Variants in CELF4 observed in about 807,000 individuals in gnomAD.
CELF4 encodes CUG-BP- and ETR-3-like factor 4.
In CELF4, 18 loss-of-function variants were observed where a neutral mutation model predicts 59.9. That is an observed-to-expected ratio of 0.30 (90% CI 0.21 to 0.45). The LOEUF (loss-of-function observed/expected upper bound fraction) is 0.45, where lower values mean the gene tolerates loss of function less well. Among genes scored for constraint, CELF4 ranks in the 20% least tolerant of loss-of-function variants. The pLI, the probability that CELF4 is intolerant of heterozygous loss-of-function variation, is 1.00. For synonymous variants in CELF4, 261 were observed against 267.1 expected, an observed-to-expected ratio of 0.98 and a Z score of 0.22; for missense variants, 456 against 689.0, an observed-to-expected ratio of 0.66 and a Z score of 3.79.
chr18:37,396,510 A>T (rs776502715), intron 2 of CELF4, among the ~76,000 whole-genome samples: 3 of 152,196 alleles, frequency 2.0e-5, no homozygotes, highest in South Asian at 2.1e-4. Context: ...TGAGTCAGGG[A>T]TAAAAGCTGA....
At position 37,320,581 on chromosome 18, in the gene CELF4, C is replaced by G. The variant is rs190306852; in HGVS notation, c.448+1222G>C. Among the ~76,000 whole-genome samples the G allele has an allele frequency of 2.5e-3, 382 of 152,254 alleles. 3 individuals are homozygous for G. Among genetic ancestry groups the G allele is most frequent in the African/African-American group, 8.0e-3 (332 of 41,554 alleles). On this transcript the variant is annotated intron_variant, in intron 3 of 12. Transcript: ENST00000420428. ...GGCTGTGCCTCTGTGGGAACTTGGG[C>G]TGGGGGCCCTAGATGGTGGAGAGGA...
At chr18:37,506,044 C>T (rs1008767050) in intron 1 of CELF4, among the ~76,000 whole-genome samples, 50 of 152,246 alleles carry the variant, frequency 3.3e-4, no homozygotes, top group African/African-American at 1.1e-3. Context: ...AAGCCTCAGC[C>T]CTGGTTTGTT....
At chr18:37,363,473 C>T (rs1007466886) in intron 2 of CELF4, among the ~76,000 whole-genome samples, 15 of 152,288 alleles carry the variant, frequency 9.8e-5, no homozygotes, top group Admixed American at 7.2e-4. Flanking sequence ...AATTCTAACT[C>T]TATTGATGCT....
At chr18:37,379,671 C>A (rs2099014135) in intron 2 of CELF4, among the ~76,000 whole-genome samples, 1 of 152,044 alleles carries the variant, frequency 6.6e-6, no homozygotes, top group Admixed American at 6.5e-5. Context: ...AACTGGGCTC[C>A]CTCTGCTTCC....
intron 6 of CELF4, chr18:37,273,386 G>A: frequency 2.3e-6 from 3 of 1,296,708 alleles, no homozygotes; most frequent in Non-Finnish European, 2.9e-6. Context: ...TAATGCTAGG[G>A]TCTTTGGAAC....
At chr18:37,303,323 T>C (rs2096193631) in intron 3 of CELF4, among the ~76,000 whole-genome samples, 1 of 152,216 alleles carries the variant, frequency 6.6e-6, no homozygotes, top group African/African-American at 2.4e-5. Flanking sequence ...TTTGAAATCC[T>C]GGCAGAGGTC....
At chr18:37,317,430 ACACT>A (rs1319598698) in intron 3 of CELF4, among the ~76,000 whole-genome samples, 18 of 152,298 alleles carry the variant, frequency 1.2e-4, no homozygotes, top group East Asian at 9.6e-4. Flanking sequence ...AAAATCCCTA[ACACT>A]CAGTCAGTGT....
chr18:37,414,498 C>CTT (rs2099510064), intron 2 of CELF4, among the ~76,000 whole-genome samples: 1 of 66,046 alleles, frequency 1.5e-5, no homozygotes, highest in African/African-American at 4.5e-5. Flanking sequence ...TTTTTCTTTT[C>CTT]TTTTCTTTTT....
chr18:37,415,444 G>T (rs2099519647), intron 2 of CELF4, among the ~76,000 whole-genome samples: 2 of 152,218 alleles, frequency 1.3e-5, no homozygotes, highest in African/African-American at 4.8e-5. Context: ...AGCCCAGGAT[G>T]GTTGAGTACT....
Position 37,352,129 on chromosome 18 carries a change from T to C in CELF4, c.370-30248A>G, listed in dbSNP as rs547039889. Among the ~76,000 whole-genome samples, 4 of 152,344 alleles carry C rather than the reference T, an allele frequency of 2.6e-5. No homozygotes were observed. The South Asian group carries it at 8.3e-4, about 32-fold the overall frequency. ...CTCCCTTCCATCTTAAACATCTTGTTATTCTGAAAACTGGGAATTTTTATC... is the reference window on the plus strand; with the variant it reads ...CTCCCTTCCATCTTAAACATCTTGTCATTCTGAAAACTGGGAATTTTTATC... On this transcript the variant is annotated intron_variant, in intron 2 of 12. Transcript: ENST00000420428.
intron 2 of CELF4, among the ~76,000 whole-genome samples, chr18:37,349,585 A>G (rs1319990594): frequency 2.0e-5 from 3 of 152,188 alleles, no homozygotes; most frequent in African/African-American, 7.2e-5. Flanking sequence ...TGCATGAAGG[A>G]CAGGCAGCCC....
At chr18:37,312,754 C>G (rs1467424839) in intron 3 of CELF4, among the ~76,000 whole-genome samples, 2 of 152,120 alleles carry the variant, frequency 1.3e-5, no homozygotes, top group African/African-American at 4.8e-5. Flanking sequence ...CTCCTGCCCA[C>G]CCCCCAGGCC....
intron 3 of CELF4, among the ~76,000 whole-genome samples, chr18:37,287,796 T>A (rs2094945411): frequency 1.3e-5 from 2 of 152,268 alleles, no homozygotes; most frequent in South Asian, 2.1e-4. Context: ...GTAGACATGA[T>A]TAATAGATGC....
intron 2 of CELF4, among the ~76,000 whole-genome samples, chr18:37,376,106 G>A (rs970666498): frequency 1.3e-5 from 2 of 152,110 alleles, no homozygotes; most frequent in African/African-American, 2.4e-5. Context: ...TTAATGAGGA[G>A]GGCACTGGAA....
Position 37,253,757 on chromosome 18 carries a change from C to A in CELF4, c.*44+10G>T. 6.4e-7 allele frequency: 1 copy of A among 1,554,752 alleles called. No individual in the cohort carries two copies. The highest frequency in any genetic ancestry group is 8.7e-7 in the Non-Finnish European group (1 of 1,147,170). The stretch of plus-strand genomic sequence containing the variant: ...ACCCCCGTCCCCGCGCCCCGGCCGC[C>A]CCCGGTTACCTGTGCGAGTCCTGGT... On this transcript the variant is annotated intron_variant, in intron 12 of 12. Transcript: ENST00000420428. The surrounding 1 kb of genome is among the most constrained non-coding windows in gnomAD (Gnocchi z 4.5).
At chr18:37,263,142 C>T (rs568796997) in intron 10 of CELF4, among the ~76,000 whole-genome samples, 45 of 152,230 alleles carry the variant, frequency 3.0e-4, no homozygotes, top group African/African-American at 8.7e-4. Context: ...CTCCAGAGAA[C>T]GCTCCCCACT....
chr18:37,366,503 A>T (rs1042502099), intron 2 of CELF4, among the ~76,000 whole-genome samples: 9 of 152,146 alleles, frequency 5.9e-5, no homozygotes, highest in African/African-American at 2.2e-4. Context: ...CAGGGGCTGC[A>T]GTGTGCCCGA....
chr18:37,441,595 G>A (rs1328923967), intron 2 of CELF4, among the ~76,000 whole-genome samples: 3 of 152,186 alleles, frequency 2.0e-5, no homozygotes, highest in Admixed American at 6.5e-5. Flanking sequence ...CCATGGGGAC[G>A]AGGTGGCAGC....
intron 2 of CELF4, among the ~76,000 whole-genome samples, chr18:37,381,147 CATCCATCCACCT>C (rs1418516986): frequency 6.6e-6 from 1 of 151,554 alleles, no homozygotes; most frequent in African/African-American, 2.4e-5. Context: ...TCCATCCATC[CATCCATCCACCT>C]ACCATTCATC....
Sources: gnomAD v4.1 joint callset for allele counts (sites outside exome capture counted in the v4.1 genomes callset) on GRCh38, gnomAD v4.1.1 for gene constraint, Gnocchi (gnomAD v3.1) non-coding constraint, MANE v1.5 for transcripts, NCBI Gene and HGNC (gene_info 2026-07-23, HGNC 2026-07-21) for gene names.